SIGIRR: variants seen among roughly 807,000 people sequenced by gnomAD.
SIGIRR encodes the protein single Ig IL-1-related receptor.
In SIGIRR, 41 loss-of-function variants were observed where a neutral mutation model predicts 45.6. The observed-to-expected ratio is 0.90, with a 90% confidence interval of 0.70 to 1.17. The LOEUF (loss-of-function observed/expected upper bound fraction) is 1.17, where lower values mean the gene tolerates loss of function less well. SIGIRR is among the 50% of genes most tolerant of loss of function. The pLI, the probability that SIGIRR is intolerant of heterozygous loss-of-function variation, is 0.00. For synonymous variants in SIGIRR, 298 were observed against 239.0 expected (o/e 1.25, Z -2.28); for missense variants, 599 against 539.6 (o/e 1.11, Z -1.09).
intron 9 of SIGIRR, 53 bp downstream of exon 9, chr11:406,296 C>A (rs1376825976): frequency 6.3e-7 from 1 of 1,588,072 alleles, no homozygotes; most frequent in East Asian, 2.3e-5. Context: ...CCTGCCCCCA[C>A]TCCGCCCTGT....
chr11:412,837 G>A (rs1197255412), intron 1 of SIGIRR, among the ~76,000 whole-genome samples: 2 of 152,114 alleles, frequency 1.3e-5, no homozygotes, highest in East Asian at 1.9e-4. Context: ...GCTTAGCCTC[G>A]CCCTGCGGTT....
chr11:409,746 A>C, intron 2 of SIGIRR, 122 bp downstream of exon 2: 14 of 1,139,556 alleles, frequency 1.2e-5, no homozygotes, highest in Non-Finnish European at 1.6e-5. Flanking sequence ...GGGCCTTTGT[A>C]CCCCCGGCAT....
upstream of SIGIRR, among the ~76,000 whole-genome samples, chr11:415,887 C>T (rs892888969): frequency 2.6e-5 from 4 of 152,146 alleles, no homozygotes; most frequent in Admixed American, 6.5e-5. The surrounding 1 kb of genome is among the most constrained non-coding windows in gnomAD (Gnocchi z 6.6). Context: ...CTGGCCCTGC[C>T]CTCAGCCACA....
At position 407,052 on chromosome 11, in the gene SIGIRR, C is replaced by T; in HGVS notation, c.728+10G>A. 1.3e-6 allele frequency: 2 copies of T among 1,574,932 alleles called. No homozygotes were observed. Reference sequence around the variant, plus strand: ...ACGCTGGGGCCCACCCAACCCCGCGCGGGACCCACCGGAAGCTGTGGCTGC... The same window carrying T: ...ACGCTGGGGCCCACCCAACCCCGCGTGGGACCCACCGGAAGCTGTGGCTGC... On this transcript the variant is annotated intron_variant, in intron 7 of 9. Coordinates refer to ENST00000431843, the MANE Select transcript of SIGIRR (RefSeq NM_001135054.2).
At position 407,908 on chromosome 11, in the gene SIGIRR, C is replaced by T; in HGVS notation, c.390G>A (p.Leu130=). ...AAVLASLLVL[L]ALLLAALLYV... The stretch of plus-strand genomic sequence containing the variant: ...AGAGCAGGGCGGCCAGCAGCAGGGC[C>T]AGCAGGACCAGGAGGGAGGCCAGCA... The change falls in exon 5 of 10, where the codon CTG becomes CTA. Residue 130 remains leucine, a synonymous_variant. Transcript: ENST00000431843. 2 of 1,612,296 alleles carry T rather than the reference C, an allele frequency of 1.2e-6. No homozygotes were observed. The highest frequency in any genetic ancestry group is 1.7e-6 in the Non-Finnish European group (2 of 1,179,726).
intron 1 of SIGIRR, among the ~76,000 whole-genome samples, chr11:412,623 GAACATGTCTGGATACAGTCGGGGAGGGGT>G: frequency 3.5e-5 from 1 of 28,950 alleles, no homozygotes; most frequent in East Asian, 3.5e-3. Context: ...GCCCAGCTCT[GAACATGTCTGGATACAGTCGGGGAGGGGT>G]GCTCAGCTCT....
chr11:412,388 C>G (rs75604216), intron 1 of SIGIRR, among the ~76,000 whole-genome samples: 1,348 of 32,208 alleles, frequency 0.042, 88 homozygotes, highest in East Asian at 0.19. Context: ...CAGCTCTGAC[C>G]ATGTCTGGAT....
chr11:408,254 C>T (rs1438015552), intron 3 of SIGIRR, 48 bp from the exon 4 acceptor site: 9 of 1,595,742 alleles, frequency 5.6e-6, no homozygotes, highest in Middle Eastern at 3.4e-4. Context: ...TACCAGTGGA[C>T]ACCCCCGAAC....
chr11:416,803 G>C (rs1847897026), upstream of SIGIRR, among the ~76,000 whole-genome samples: 1 of 152,168 alleles, frequency 6.6e-6, no homozygotes, highest in South Asian at 2.1e-4. This position sits in a 1 kb window ranked among gnomAD's most constrained non-coding sequence, Gnocchi z 9.1. Context: ...TCCAAGTGAG[G>C]AGGGCGGAGA....
Position 408,956 on chromosome 11 carries a change from T to C in SIGIRR, c.8-63A>G, listed in dbSNP as rs536427844. On this transcript the variant is annotated intron_variant, in intron 2 of 9. Coordinates refer to ENST00000431843, the MANE Select transcript of SIGIRR (RefSeq NM_001135054.2). ...GTGCCTGGCCCCACCACCTCCACAG[T>C]GGTCCGTGGTGCAGGAAGAAATAAG... 15 of 1,473,010 alleles carry C rather than the reference T, an allele frequency of 1.0e-5. No individual in the cohort carries two copies. The East Asian group carries it at 2.5e-4, about 25-fold the overall frequency. The allele number at this position is 1,473,010 out of a possible 1,614,324, so 91.2% of individuals were successfully genotyped here.
Position 408,717 on chromosome 11 carries a change from A to C in SIGIRR, c.184T>G (p.Tyr62Asp). 6.2e-7 allele frequency: 1 copy of C among 1,612,744 alleles called. No individual in the cohort carries two copies. The highest frequency in any genetic ancestry group is 8.5e-7 in the Non-Finnish European group (1 of 1,179,942). ...DGLPLGIGGH[Y>D]SLHEYSWVKA... ...TACCAGGAGTACTCGTGGAGGCTGT[A>C]GTGGCCCCCAATTCCCAATGGAAGC... The change falls in exon 3 of 10, where the codon TAC becomes GAC. Residue 62 changes from tyrosine (Y) to aspartate (D), a missense_variant. Tyr to Asp is a radical substitution (Grantham distance 160). Coordinates refer to ENST00000431843, the MANE Select transcript of SIGIRR (RefSeq NM_001135054.2).
At chr11:416,848 C>T (rs1486443106), upstream of SIGIRR, among the ~76,000 whole-genome samples, 1 of 152,138 alleles carries the variant, frequency 6.6e-6, no homozygotes, top group Non-Finnish European at 1.5e-5. The surrounding 1 kb of genome is among the most constrained non-coding windows in gnomAD (Gnocchi z 9.1). Context: ...CACGGGGGTG[C>T]GGCTCGGGGC....
At chr11:407,672 G>A in intron 5 of SIGIRR, 104 bp from the exon 6 acceptor site, 1 of 1,555,406 alleles carries the variant, frequency 6.4e-7, no homozygotes, top group Non-Finnish European at 8.7e-7. Flanking sequence ...GGGCAGACCC[G>A]CCCCGGACTT....
At chr11:409,772 G>T (rs940447364) in intron 2 of SIGIRR, 96 bp downstream of exon 2, 2 of 1,296,382 alleles carry the variant, frequency 1.5e-6, no homozygotes. Context: ...CAGGCAGAGT[G>T]CCTGGGATAA....
intron 9 of SIGIRR, 104 bp downstream of exon 9, chr11:406,245 G>C (rs180909144): frequency 6.5e-7 from 1 of 1,545,888 alleles, no homozygotes; most frequent in Non-Finnish European, 8.7e-7. Context: ...GCCGGGAAGA[G>C]TCCTCAACAC....
chr11:408,114 A>T lies in SIGIRR; in HGVS notation c.299T>A (p.Ile100Asn). Residue 100 changes from isoleucine to asparagine, a missense_variant, in exon 4 of 10, where the codon ATC becomes AAC. By Grantham distance (149) the Ile-to-Asn change is moderately radical (BLOSUM62 -3). Coordinates refer to ENST00000431843, the MANE Select transcript of SIGIRR (RefSeq NM_001135054.2). ...GAAGGAGGAGAAGCTGATGTTCTGGATGGAGCAGGTGAAGGCCCCATAGAC... is the reference window on the plus strand; with the variant it reads ...GAAGGAGGAGAAGCTGATGTTCTGGTTGGAGCAGGTGAAGGCCCCATAGAC... ...TEVYGAFTCS[I>N]QNISFSSFTL... 6.2e-7 allele frequency: 1 copy of T among 1,612,810 alleles called. No individual in the cohort carries two copies. The highest frequency in any genetic ancestry group is 1.1e-5 in the South Asian group (1 of 91,086).
chr11:411,798 C>CG (rs147387558), intron 1 of SIGIRR, among the ~76,000 whole-genome samples: 44 of 9,580 alleles, frequency 4.6e-3, no homozygotes, highest in South Asian at 0.013. Flanking sequence ...TGGATGCAGT[C>CG]GGGGGGTGCC....
At chr11:409,693 G>A (rs898989639) in intron 2 of SIGIRR, 175 bp downstream of exon 2, 44 of 596,416 alleles carry the variant, frequency 7.4e-5, no homozygotes, top group South Asian at 3.8e-4. Context: ...CTCACCACTC[G>A]CCCTGGTTTC....
intron 6 of SIGIRR, 28 bp from the exon 7 acceptor site, chr11:407,192 AGGGGCG>A (rs1246880322): frequency 2.5e-5 from 3 of 118,968 alleles, no homozygotes; most frequent in South Asian, 8.8e-5. Context: ...TCGGCGGCGC[AGGGGCG>A]GGGGCGGGGG....
Sources: allele counts gnomAD v4.1 joint callset (sites outside exome capture counted in the v4.1 genomes callset), GRCh38; gene constraint gnomAD v4.1.1; non-coding constraint Gnocchi (gnomAD v3.1); transcripts MANE v1.5; gene names NCBI Gene and HGNC (gene_info 2026-07-23, HGNC 2026-07-21).